Variants in APBB2 observed in about 807,000 individuals in gnomAD.
The protein encoded by APBB2 is amyloid beta precursor protein binding family B member 2.
Under a neutral mutation model 82.5 loss-of-function variants are expected in APBB2, and 38 were observed. The ratio of observed to expected loss-of-function variants is 0.46; its 90% confidence interval spans 0.36 to 0.60. The LOEUF is 0.60. APBB2 is among the 20% of genes least tolerant of loss of function. The pLI, the probability that APBB2 is intolerant of heterozygous loss-of-function variation, is 0.00. For missense variants in APBB2, 772 were observed against 972.3 expected (o/e 0.79, Z 2.74); for synonymous variants, 341 against 368.2 (o/e 0.93, Z 0.85).
chr4:41,032,619 A>G (rs1717270212), intron 5 of APBB2, among the ~76,000 whole-genome samples: 1 of 152,086 alleles, frequency 6.6e-6, no homozygotes, highest in South Asian at 2.1e-4. Context: ...CCAGGCTGTA[A>G]TGTACAATGC....
chr4:40,891,951 CTT>C lies in APBB2; in HGVS notation c.1401+1312_1401+1313del, dbSNP rs565676579. Reference sequence around the variant, plus strand: ...GGGAAACATAGGCCTGGGTTTTGTTCTTTTTTTTTTTTTTTTTTGAGATAGAG... The same window carrying C: ...GGGAAACATAGGCCTGGGTTTTGTTCTTTTTTTTTTTTTTTTGAGATAGAG... On this transcript the variant is annotated intron_variant, in intron 11 of 17. Coordinates refer to ENST00000508593, the MANE Select transcript of APBB2 (RefSeq NM_004307.2). 2.9e-3 allele frequency among the ~76,000 whole-genome samples: 386 copies of C among 132,000 alleles called. 3 individuals carry two copies. The highest frequency in any genetic ancestry group is 9.2e-3 in the African/African-American group (333 of 36,340). 86.6% of individuals were successfully genotyped at this position (132,000 alleles called of 152,430 possible). A position where few individuals can be genotyped will look rare whatever the true frequency, so the allele number is the denominator to read the frequency against.
At chr4:40,862,578 T>C (rs1247812045) in intron 12 of APBB2, among the ~76,000 whole-genome samples, 1 of 152,226 alleles carries the variant, frequency 6.6e-6, no homozygotes, top group East Asian at 1.9e-4. Flanking sequence ...GGGCGGGTCC[T>C]AGCCGGGCAC....
chr4:40,893,203 G>A (rs1024752385), intron 11 of APBB2, 62 bp downstream of exon 11: 10 of 1,583,144 alleles, frequency 6.3e-6, no homozygotes, highest in Non-Finnish European at 8.6e-6. Flanking sequence ...TGAGCTGTGG[G>A]GCTTCCTGAA....
intron 1 of APBB2, among the ~76,000 whole-genome samples, chr4:41,190,358 T>C (rs908259003): frequency 2.7e-5 from 4 of 148,322 alleles, no homozygotes; most frequent in Admixed American, 6.8e-5. Flanking sequence ...TTCAAGCAAT[T>C]CTCTGCCTCA....
At chr4:40,988,284 G>A (rs1031545578) in intron 6 of APBB2, among the ~76,000 whole-genome samples, 3 of 152,274 alleles carry the variant, frequency 2.0e-5, no homozygotes, top group African/African-American at 7.2e-5. Flanking sequence ...ATATGTACTT[G>A]AATTCAAGTT....
At chr4:40,831,970 G>A (rs953391752) in intron 12 of APBB2, among the ~76,000 whole-genome samples, 1 of 148,262 alleles carries the variant, frequency 6.7e-6, no homozygotes, top group African/African-American at 2.5e-5. Context: ...GTTCAAAGAT[G>A]AAAGTGTTTT....
At chr4:40,936,395 G>A (rs939917653) in intron 7 of APBB2, among the ~76,000 whole-genome samples, 25 of 152,200 alleles carry the variant, frequency 1.6e-4, no homozygotes, top group African/African-American at 5.8e-4. Flanking sequence ...GGACTATTCA[G>A]GTGCATGCTA....
chr4:40,877,187 G>A (rs556431195), intron 12 of APBB2, among the ~76,000 whole-genome samples: 1 of 152,354 alleles, frequency 6.6e-6, no homozygotes, highest in South Asian at 2.1e-4. Context: ...TGAAAATGGG[G>A]TCAGGAGTCT....
chr4:41,084,373 G>C (rs1405173427), intron 3 of APBB2, among the ~76,000 whole-genome samples: 2 of 152,120 alleles, frequency 1.3e-5, no homozygotes, highest in Non-Finnish European at 2.9e-5. Flanking sequence ...GCAGTGAGCA[G>C]AGATCACACC....
chr4:41,162,216 T>C (rs954727468), intron 1 of APBB2, among the ~76,000 whole-genome samples: 1 of 144,902 alleles, frequency 6.9e-6, no homozygotes, highest in African/African-American at 2.7e-5. Flanking sequence ...TTTTTTTTTT[T>C]ACAATTTGTC....
chr4:40,849,780 T>C (rs1280739372), intron 12 of APBB2, among the ~76,000 whole-genome samples: 1 of 143,818 alleles, frequency 7.0e-6, no homozygotes, highest in Non-Finnish European at 1.5e-5. Flanking sequence ...CAGGCTGGAG[T>C]GCAGTGGCAC....
chr4:40,972,981 A>G (rs1370611945), intron 6 of APBB2, among the ~76,000 whole-genome samples: 1 of 152,256 alleles, frequency 6.6e-6, no homozygotes, highest in Non-Finnish European at 1.5e-5. Flanking sequence ...AATCAGAAGT[A>G]TTTGTTGAGA....
At chr4:41,003,915 G>C (rs1324980522) in intron 6 of APBB2, among the ~76,000 whole-genome samples, 1 of 152,152 alleles carries the variant, frequency 6.6e-6, no homozygotes, top group Non-Finnish European at 1.5e-5. Context: ...GTTTCACCAT[G>C]TTGGCCAGGC....
intron 4 of APBB2, among the ~76,000 whole-genome samples, chr4:41,062,346 T>G (rs962912882): frequency 6.5e-5 from 4 of 61,832 alleles, no homozygotes; most frequent in Non-Finnish European, 1.2e-4. Flanking sequence ...CTAATTTTTG[T>G]ATTTTTTTTT....
At chr4:40,902,932 A>G (rs111707528) in intron 10 of APBB2, among the ~76,000 whole-genome samples, 5,870 of 152,252 alleles carry the variant, frequency 0.039, 369 homozygotes, top group African/African-American at 0.13. Flanking sequence ...CTTGAGGCCG[A>G]GAGTTCAAGA....
chr4:40,938,206 C>T (rs73244013), intron 7 of APBB2, among the ~76,000 whole-genome samples: 17,265 of 152,262 alleles, frequency 0.11, 1,084 homozygotes, highest in Admixed American at 0.2. Context: ...ACAGTCATAG[C>T]TGGGACACCC....
At chr4:40,893,721 C>A (rs1772787678) in intron 10 of APBB2, among the ~76,000 whole-genome samples, 1 of 152,150 alleles carries the variant, frequency 6.6e-6, no homozygotes, top group Non-Finnish European at 1.5e-5. Context: ...CACCTGTAAT[C>A]CCAGCACTTT....
At chr4:41,070,199 G>A (rs888199663) in intron 3 of APBB2, among the ~76,000 whole-genome samples, 5 of 152,176 alleles carry the variant, frequency 3.3e-5, no homozygotes, top group Admixed American at 6.5e-5. Context: ...CACCTTGGTT[G>A]CAGGTCTGTT....
At chr4:41,053,284 T>G (rs1368311496) in intron 4 of APBB2, among the ~76,000 whole-genome samples, 1 of 152,138 alleles carries the variant, frequency 6.6e-6, no homozygotes, top group African/African-American at 2.4e-5. Context: ...AATTTTCATT[T>G]CATACCTTAT....
Sources: gnomAD v4.1 joint callset for allele counts (sites outside exome capture counted in the v4.1 genomes callset) on GRCh38, gnomAD v4.1.1 for gene constraint, MANE v1.5 for transcripts, NCBI Gene and HGNC (gene_info 2026-07-23, HGNC 2026-07-21) for gene names.